The following SMARCA5 variants were observed in gnomAD, a reference collection of about 807,000 sequenced individuals.
SMARCA5 encodes SNF2 related chromatin remodeling ATPase 5, also known as SWI/SNF-related matrix-associated actin-dependent regulator of chromatin subfamily A member 5.
Under a neutral mutation model 140.4 loss-of-function variants are expected in SMARCA5, and 18 were observed. That is an observed-to-expected ratio of 0.13 (90% CI 0.09 to 0.19). The LOEUF (loss-of-function observed/expected upper bound fraction) is 0.19. Among genes scored for constraint, SMARCA5 ranks in the 10% least tolerant of loss-of-function variants. The probability of loss-of-function intolerance (pLI) is 1.00; values close to 1 mark genes in which losing one functional copy is unlikely to be tolerated. For synonymous variants in SMARCA5, 449 were observed against 419.6 expected (o/e 1.07, Z -0.86); for missense variants, 606 against 1,276.8 (o/e 0.47, Z 8.01).
At chr4:143,524,570 A>T in intron 4 of SMARCA5, 103 bp downstream of exon 4, 1 of 677,922 alleles carries the variant, frequency 1.5e-6, no homozygotes, top group Admixed American at 2.7e-5. Flanking sequence ...GCAAATTTTT[A>T]GTAGTCTTAG....
intron 23 of SMARCA5, among the ~76,000 whole-genome samples, chr4:143,551,408 A>G (rs1013915853): frequency 9.9e-5 from 15 of 151,872 alleles, no homozygotes; most frequent in Non-Finnish European, 2.1e-4. Context: ...AAGCTTTTTA[A>G]CTTAATGTGA....
At chr4:143,545,798 A>G (rs1281317649) in intron 18 of SMARCA5, 127 bp from the exon 19 acceptor site, 2 of 946,570 alleles carry the variant, frequency 2.1e-6, no homozygotes, top group Non-Finnish European at 3.3e-6. Flanking sequence ...TTTTTAACAT[A>G]ATACATGCAA....
chr4:143,513,829 C>T lies in SMARCA5; in HGVS notation c.-96C>T. 1.5e-6 allele frequency: 2 copies of T among 1,371,868 alleles called. No individual in the cohort carries two copies. The highest frequency in any genetic ancestry group is 2.0e-6 in the Non-Finnish European group (2 of 1,021,738). The allele number at this position is 1,371,868 out of a possible 1,614,324, so 85.0% of individuals were successfully genotyped here. A position where few individuals can be genotyped will look rare whatever the true frequency, so the allele number is the denominator to read the frequency against. Reference sequence around the variant, plus strand: ...TCGGGTGGGAGTCTCGCTCCTCCACCAGTTTATTGCGACGTAGCATCCAGG... The same window carrying T: ...TCGGGTGGGAGTCTCGCTCCTCCACTAGTTTATTGCGACGTAGCATCCAGG... On this transcript the variant is annotated 5_prime_UTR_variant, in exon 1 of 24. Transcript: ENST00000283131.
At position 143,521,349 on chromosome 4, in the gene SMARCA5, A is replaced by T. The variant is rs533069293; in HGVS notation, c.253-80A>T. The T allele has an allele frequency of 6.1e-5, 56 of 919,730 alleles. 1 individual carries two copies. In the African/African-American group the frequency reaches 8.0e-4, roughly 13 times the overall value. The allele number at this position is 919,730 out of a possible 1,614,324, so 57.0% of individuals were successfully genotyped here. A position where few individuals can be genotyped will look rare whatever the true frequency, so the allele number is the denominator to read the frequency against. On this transcript the variant is annotated intron_variant, in intron 2 of 23. Coordinates refer to ENST00000283131, the MANE Select transcript of SMARCA5 (RefSeq NM_003601.4). Reference sequence around the variant, plus strand: ...TTTTTTTTTTTGCTGAGTTCATTGTATGGAGGCATGCTGAAACTTTGATTT... The same window carrying T: ...TTTTTTTTTTTGCTGAGTTCATTGTTTGGAGGCATGCTGAAACTTTGATTT...
At chr4:143,538,104 A>G (rs2090126270) in intron 11 of SMARCA5, among the ~76,000 whole-genome samples, 1 of 152,056 alleles carries the variant, frequency 6.6e-6, no homozygotes, top group South Asian at 2.1e-4. Flanking sequence ...AGGCAGTCGG[A>G]TAGTTTGAAT....
chr4:143,540,610 C>CA (rs1437253716), intron 14 of SMARCA5, 115 bp downstream of exon 14: 14 of 930,394 alleles, frequency 1.5e-5, no homozygotes, highest in Non-Finnish European at 2.3e-5. Flanking sequence ...AGCTTGCAGC[C>CA]AGTAGAGATG....
In SMARCA5 at chr4:143,538,987, T is replaced by G. The variant is rs777160934; in HGVS notation, c.1770+49T>G. 5.3e-6 allele frequency: 8 copies of G among 1,511,552 alleles called. No homozygotes were observed. The African/African-American group carries it at 9.6e-5, about 18-fold the overall frequency. The allele number at this position is 1,511,552 out of a possible 1,614,324, so 93.6% of individuals were successfully genotyped here. A position where few individuals can be genotyped will look rare whatever the true frequency, so the allele number is the denominator to read the frequency against. ...TTCTGTGCTTAGTAGATGGCGTTAG[T>G]TAGGACAGGCTAATTCTACAAATAT... is the stretch of plus-strand genomic sequence containing the variant. On this transcript the variant is annotated intron_variant, in intron 13 of 23. Transcript: ENST00000283131.
intron 5 of SMARCA5, among the ~76,000 whole-genome samples, chr4:143,525,778 T>C (rs973163323): frequency 9.9e-5 from 15 of 152,240 alleles, no homozygotes; most frequent in African/African-American, 3.6e-4. Flanking sequence ...AAACATGTTT[T>C]TGGATGACTT....
chr4:143,529,736 TAATTAA>T (rs1737145917), intron 8 of SMARCA5, among the ~76,000 whole-genome samples: 1 of 152,168 alleles, frequency 6.6e-6, no homozygotes, highest in Admixed American at 6.6e-5. Context: ...AAAAAGGTAT[TAATTAA>T]TTTTGTTTTT....
intron 1 of SMARCA5, among the ~76,000 whole-genome samples, chr4:143,516,936 G>T (rs1028359242): frequency 6.6e-6 from 1 of 152,110 alleles, no homozygotes; most frequent in African/African-American, 2.4e-5. Flanking sequence ...GACTAATTCT[G>T]ATTTCTTTGT....
intron 3 of SMARCA5, among the ~76,000 whole-genome samples, chr4:143,522,905 G>A (rs990865704): frequency 7.9e-5 from 12 of 151,992 alleles, no homozygotes; most frequent in African/African-American, 2.9e-4. Context: ...TGTTATTAGG[G>A]AAAAAAGTCC....
At chr4:143,552,708 T>A (rs1414318715) in intron 23 of SMARCA5, among the ~76,000 whole-genome samples, 1 of 152,016 alleles carries the variant, frequency 6.6e-6, no homozygotes, top group Admixed American at 6.6e-5. Context: ...GAAAAAATGT[T>A]ATTTAATAAT....
chr4:143,525,640 T>A, intron 5 of SMARCA5, 89 bp downstream of exon 5: 3 of 850,584 alleles, frequency 3.5e-6, no homozygotes, highest in Non-Finnish European at 5.9e-6. Flanking sequence ...CTACAACTGT[T>A]AGCAAATGGA....
chr4:143,526,815 G>A (rs1414371583), intron 6 of SMARCA5, among the ~76,000 whole-genome samples: 1 of 151,796 alleles, frequency 6.6e-6, no homozygotes, highest in Non-Finnish European at 1.5e-5. Flanking sequence ...AGTGAGCCGA[G>A]ATGGCGCCAC....
Position 143,556,560 on chromosome 4 carries a change from TC to T in SMARCA5, c.*3378del, listed in dbSNP as rs1048773384. On this transcript the variant is annotated 3_prime_UTR_variant, in exon 24 of 24. Coordinates refer to ENST00000283131, the MANE Select transcript of SMARCA5 (RefSeq NM_003601.4). ...CAAGGTGGATTGATGAACTCATAAA[TC>T]CAAATGAATGGAATGCTAGAAGACA... The T allele has an allele frequency of 5.3e-4, 81 of 152,282 alleles. No individual in the cohort carries two copies. Among genetic ancestry groups the T allele is most frequent in the African/African-American group, 1.9e-3 (80 of 41,544 alleles). 9.4% of individuals were successfully genotyped at this position (152,282 alleles called of 1,614,324 possible).
intron 19 of SMARCA5, 106 bp from the exon 20 acceptor site, chr4:143,546,670 T>TA: frequency 9.7e-7 from 1 of 1,032,910 alleles, no homozygotes; most frequent in Non-Finnish European, 1.4e-6. Context: ...AAGAACTTAA[T>TA]AAACTAGTGA....
chr4:143,527,830 A>G, intron 6 of SMARCA5, 38 bp from the exon 7 acceptor site: 1 of 1,556,556 alleles, frequency 6.4e-7, no homozygotes, highest in African/African-American at 1.4e-5. Flanking sequence ...TGCGTAGTTT[A>G]TTTCTACGTG....
chr4:143,538,679 T>C lies in SMARCA5; in HGVS notation c.1585T>C (p.Leu529=). 6.2e-7 allele frequency: 1 copy of C among 1,614,006 alleles called. No homozygotes were observed. The highest frequency in any genetic ancestry group is 8.5e-7 in the Non-Finnish European group (1 of 1,179,926). The change falls in exon 12 of 24, where the codon TTG becomes CTG. Residue 529 remains leucine, a synonymous_variant. Transcript: ENST00000283131. Reference sequence around the variant, plus strand: ...GTGGAGAAATTATGAGTACTGCAGGTTGGATGGTCAGACACCCCATGATGA... The same window carrying C: ...GTGGAGAAATTATGAGTACTGCAGGCTGGATGGTCAGACACCCCATGATGA... ...CMWRNYEYCR[L]DGQTPHDERQ...
At chr4:143,525,222 G>A (rs1182193743) in intron 4 of SMARCA5, among the ~76,000 whole-genome samples, 2 of 152,088 alleles carry the variant, frequency 1.3e-5, no homozygotes, top group African/African-American at 2.4e-5. Flanking sequence ...GTTGGAGTGG[G>A]TACTCTGATG....
Sources: gnomAD v4.1 joint callset for allele counts (sites outside exome capture counted in the v4.1 genomes callset) on GRCh38, gnomAD v4.1.1 for gene constraint, MANE v1.5 for transcripts, NCBI Gene and HGNC (gene_info 2026-07-23, HGNC 2026-07-21) for gene names.